STX2: variants seen among roughly 807,000 people sequenced by gnomAD.
STX2 encodes the protein syntaxin-2.
In STX2, 27 loss-of-function variants were observed where a neutral mutation model predicts 40.6. The ratio of observed to expected loss-of-function variants is 0.66; its 90% confidence interval spans 0.49 to 0.92. The LOEUF (loss-of-function observed/expected upper bound fraction) is 0.92. Among genes scored for constraint, STX2 ranks in the 40% least tolerant of loss-of-function variants. STX2 has a pLI of 0.00. For synonymous variants in STX2, 123 were observed against 119.1 expected (o/e 1.03, Z -0.22); for missense variants, 328 against 366.1 (o/e 0.90, Z 0.85).
intron 6 of STX2, among the ~76,000 whole-genome samples, chr12:130,804,329 G>T (rs1951343924): frequency 6.6e-6 from 1 of 152,230 alleles, no homozygotes; most frequent in South Asian, 2.1e-4. Context: ...AGCCCGCTGT[G>T]TGGCCAGAGT....
chr12:130,791,735 G>A lies in STX2; in HGVS notation c.*288C>T, dbSNP rs1950881632. The A allele has an allele frequency of 3.2e-6, 2 of 621,780 alleles. No homozygotes were observed. Among genetic ancestry groups the A allele is most frequent in the Non-Finnish European group, 2.8e-6 (1 of 352,728 alleles). 38.5% of individuals were successfully genotyped at this position (621,780 alleles called of 1,614,324 possible). A position where few individuals can be genotyped will look rare whatever the true frequency, so the allele number is the denominator to read the frequency against. On this transcript the variant is annotated 3_prime_UTR_variant, in exon 11 of 11. Transcript: ENST00000392373. Reference sequence around the variant, plus strand: ...CCACTGTGCTTACGGCGCTGTCACTGAACAAGACGTTCGGTTGTGCTTCTT... The same window carrying A: ...CCACTGTGCTTACGGCGCTGTCACTAAACAAGACGTTCGGTTGTGCTTCTT...
Position 130,790,547 on chromosome 12 carries a change from A to G in STX2, c.*1476T>C, listed in dbSNP as rs1950852300. 1.3e-5 allele frequency: 2 copies of G among 152,232 alleles called. No individual in the cohort carries two copies. The highest frequency in any genetic ancestry group is 2.9e-5 in the Non-Finnish European group (2 of 68,034). The allele number at this position is 152,232 out of a possible 1,614,324, so 9.4% of individuals were successfully genotyped here. ...TCTTCTACTAAAAAAATGAGCAATA[A>G]AAAGGTTTAATTATCATGAATCCCT... is the stretch of plus-strand genomic sequence containing the variant. On this transcript the variant is annotated 3_prime_UTR_variant, in exon 11 of 11. Transcript: ENST00000392373.
At chr12:130,811,993 T>C (rs1468337442) in intron 4 of STX2, 1 of 188,576 alleles carries the variant, frequency 5.3e-6, no homozygotes, top group Non-Finnish European at 1.1e-5. Flanking sequence ...CGGCAGAGCC[T>C]ATTAAATGTG....
intron 6 of STX2, among the ~76,000 whole-genome samples, chr12:130,802,698 T>C (rs1196187657): frequency 6.6e-6 from 1 of 152,148 alleles, no homozygotes; most frequent in Non-Finnish European, 1.5e-5. Context: ...GGTTTTGCTA[T>C]GTTGTCAAGC....
rs1474048646 is a variant in STX2, at chr12:130,839,179, C to G, written c.-80G>C. 1.8e-6 allele frequency: 2 copies of G among 1,112,534 alleles called. No individual in the cohort carries two copies. The highest frequency in any genetic ancestry group is 3.3e-5 in the African/African-American group (2 of 60,364). 68.9% of individuals were successfully genotyped at this position (1,112,534 alleles called of 1,614,324 possible). A position where few individuals can be genotyped will look rare whatever the true frequency, so the allele number is the denominator to read the frequency against. The stretch of plus-strand genomic sequence containing the variant: ...GGCCGGGCCTCGGGCTCTCCGGTCT[C>G]CGCCTCAGGCCCCGCGGTCCCGGCC... On this transcript the variant is annotated 5_prime_UTR_variant, in exon 1 of 11. Transcript: ENST00000392373.
chr12:130,815,574 T>C (rs138677152), intron 3 of STX2, among the ~76,000 whole-genome samples: 6 of 152,320 alleles, frequency 3.9e-5, no homozygotes, highest in Non-Finnish European at 8.8e-5. Context: ...CAATATCCAG[T>C]GGATTTTCAG....
intron 4 of STX2, chr12:130,812,210 T>A (rs1427480151): frequency 4.1e-6 from 1 of 242,302 alleles, no homozygotes; most frequent in Non-Finnish European, 8.4e-6. Context: ...GGGGAAATTC[T>A]GCCTGGATAT....
At chr12:130,797,742 C>CA (rs1020842711) in intron 9 of STX2, among the ~76,000 whole-genome samples, 10 of 152,134 alleles carry the variant, frequency 6.6e-5, no homozygotes, top group African/African-American at 9.7e-5. Context: ...TGCCCCGTAA[C>CA]AAAAAAATCA....
intron 1 of STX2, among the ~76,000 whole-genome samples, chr12:130,834,274 T>C (rs1389106538): frequency 4.0e-5 from 6 of 150,612 alleles, no homozygotes; most frequent in Non-Finnish European, 8.8e-5. Flanking sequence ...GGAGAATTCC[T>C]TGAACCCTAG....
In STX2 at chr12:130,796,035, C is replaced by A. The variant is rs2082041497; in HGVS notation, c.*5G>T. On this transcript the variant is annotated 3_prime_UTR_variant, in exon 10 of 11. Transcript: ENST00000392373. ...GAGGCATGCACACTGACGTTATCCA[C>A]ACCATCATTTGCCAACTGACAAGCC... 6.2e-7 allele frequency: 1 copy of A among 1,614,184 alleles called. No homozygotes were observed. Among genetic ancestry groups the A allele is most frequent in the South Asian group, 1.1e-5 (1 of 91,068 alleles).
At chr12:130,835,574 T>C (rs1952730737) in intron 1 of STX2, among the ~76,000 whole-genome samples, 1 of 152,176 alleles carries the variant, frequency 6.6e-6, no homozygotes. Flanking sequence ...AGAATAGCTA[T>C]TCCATTTTGC....
chr12:130,801,396 G>A lies in STX2; in HGVS notation c.537+19C>T, dbSNP rs1383782471. 3 of 1,603,162 alleles carry A rather than the reference G, an allele frequency of 1.9e-6. No individual in the cohort carries two copies. Among genetic ancestry groups the A allele is most frequent in the East Asian group, 4.5e-5 (2 of 44,672 alleles). ...CTACAGAAGAGGACATGGAGCCACAGGGCCGCACCCCCACTCACGTCGGAA... is the reference window on the plus strand; with the variant it reads ...CTACAGAAGAGGACATGGAGCCACAAGGCCGCACCCCCACTCACGTCGGAA... On this transcript the variant is annotated intron_variant, in intron 7 of 10. Transcript: ENST00000392373.
chr12:130,827,687 G>A (rs367872101), intron 1 of STX2, among the ~76,000 whole-genome samples: 7 of 152,258 alleles, frequency 4.6e-5, no homozygotes, highest in Admixed American at 6.5e-5. Context: ...GCTGAGGGGG[G>A]CAGAATGCTT....
chr12:130,815,379 G>A (rs1000402694), intron 3 of STX2, among the ~76,000 whole-genome samples: 8 of 152,184 alleles, frequency 5.3e-5, no homozygotes, highest in African/African-American at 1.7e-4. Flanking sequence ...TGAGCGTGAC[G>A]ACGGGGTGTT....
At chr12:130,811,283 A>G (rs10848208) in intron 4 of STX2, among the ~76,000 whole-genome samples, 83,293 of 148,718 alleles carry the variant, frequency 0.56, 25,731 homozygotes, top group East Asian at 0.87. Flanking sequence ...GCTTGAGTCC[A>G]GGAGGTGGAG....
intron 5 of STX2, among the ~76,000 whole-genome samples, 167 bp from the exon 6 acceptor site, chr12:130,807,257 C>A (rs185106959): frequency 6.6e-6 from 1 of 152,174 alleles, no homozygotes; most frequent in East Asian, 1.9e-4. Context: ...AAGAACTTTG[C>A]ATGCATGATC....
At chr12:130,823,615 C>T (rs755422629) in intron 2 of STX2, among the ~76,000 whole-genome samples, 3 of 152,168 alleles carry the variant, frequency 2.0e-5, no homozygotes, top group Admixed American at 6.5e-5. Flanking sequence ...AGGCCGCCTG[C>T]GGAAGATGGA....
chr12:130,796,134 G>A lies in STX2; in HGVS notation c.787-14C>T, dbSNP rs1383112577. On this transcript the variant is annotated splice_polypyrimidine_tract_variant and intron_variant, in intron 9 of 10. Transcript: ENST00000392373. ...TATCCACTTTTTCTGTCAAAGAAAAGCAAGCTGATTATATCATGCATGGTT... is the reference window on the plus strand; with the variant it reads ...TATCCACTTTTTCTGTCAAAGAAAAACAAGCTGATTATATCATGCATGGTT... 1.2e-6 allele frequency: 2 copies of A among 1,613,596 alleles called. No homozygotes were observed. The highest frequency in any genetic ancestry group is 1.7e-6 in the Non-Finnish European group (2 of 1,179,984).
chr12:130,817,726 A>C (rs113067963), intron 3 of STX2, among the ~76,000 whole-genome samples: 1 of 152,244 alleles, frequency 6.6e-6, no homozygotes, highest in South Asian at 2.1e-4. Context: ...ACAAAAAAAA[A>C]AAGTAAAGCC....
Sources: allele counts gnomAD v4.1 joint callset (sites outside exome capture counted in the v4.1 genomes callset), GRCh38; gene constraint gnomAD v4.1.1; transcripts MANE v1.5; gene names NCBI Gene and HGNC (gene_info 2026-07-23, HGNC 2026-07-21).